Variants in EXOC6B observed in about 807,000 individuals in gnomAD.
EXOC6B encodes exocyst complex component 6B, also known as SEC15 homolog B.
A neutral mutation model predicts 113.5 loss-of-function variants in EXOC6B; 54 were observed. The ratio of observed to expected loss-of-function variants is 0.48; its 90% CI spans 0.38 to 0.60. The LOEUF (loss-of-function observed/expected upper bound fraction) is 0.60. Among genes scored for constraint, EXOC6B ranks in the 20% least tolerant of loss-of-function variants. EXOC6B has a pLI of 0.00. For synonymous variants in EXOC6B, 357 were observed against 339.0 expected (o/e 1.05, Z -0.58); for missense variants, 797 against 977.5 (o/e 0.82, Z 2.46).
intron 1 of EXOC6B, among the ~76,000 whole-genome samples, chr2:72,748,510 T>G (rs1385689115): frequency 6.6e-6 from 1 of 152,038 alleles, no homozygotes; most frequent in Non-Finnish European, 1.5e-5. Flanking sequence ...AGGAGATCAA[T>G]CAGATCATCA....
chr2:72,637,483 A>G (rs1328820256), intron 6 of EXOC6B, among the ~76,000 whole-genome samples: 1 of 152,068 alleles, frequency 6.6e-6, no homozygotes, highest in Non-Finnish European at 1.5e-5. Context: ...CATGAACAGA[A>G]CCTATCCAAA....
chr2:72,593,365 C>T (rs991070333), intron 6 of EXOC6B, among the ~76,000 whole-genome samples: 5 of 152,072 alleles, frequency 3.3e-5, no homozygotes, highest in Admixed American at 2.6e-4. Flanking sequence ...AGGGGACTTA[C>T]TTCTTGGGAT....
At chr2:72,357,667 G>A (rs573941332) in intron 19 of EXOC6B, among the ~76,000 whole-genome samples, 3 of 150,768 alleles carry the variant, frequency 2.0e-5, no homozygotes, top group African/African-American at 7.4e-5. Context: ...CTCCAGCCTG[G>A]GCAACAGAGC....
At chr2:72,674,024 C>T (rs553022699) in intron 6 of EXOC6B, among the ~76,000 whole-genome samples, 11 of 152,080 alleles carry the variant, frequency 7.2e-5, no homozygotes, top group South Asian at 4.2e-4. Context: ...ACCAATGAAA[C>T]GATTTGGGGG....
intron 20 of EXOC6B, among the ~76,000 whole-genome samples, chr2:72,204,551 AAG>A (rs111951945): frequency 0.017 from 1,804 of 104,440 alleles, 31 homozygotes; most frequent in African/African-American, 0.061. Context: ...AGACCAGAAG[AAG>A]AAAAAAAAAA....
chr2:72,322,433 A>T (rs575077612), intron 20 of EXOC6B, among the ~76,000 whole-genome samples: 1 of 152,300 alleles, frequency 6.6e-6, no homozygotes, highest in African/African-American at 2.4e-5. Context: ...AAGGGATGGG[A>T]CTAATTACAA....
At chr2:72,706,034 G>T (rs776048482) in intron 6 of EXOC6B, among the ~76,000 whole-genome samples, 2 of 152,138 alleles carry the variant, frequency 1.3e-5, no homozygotes, top group Non-Finnish European at 2.9e-5. Context: ...AAGAATAAAT[G>T]TATCAGTTAC....
chr2:72,283,781 T>C (rs1685263909), intron 20 of EXOC6B, among the ~76,000 whole-genome samples: 1 of 151,998 alleles, frequency 6.6e-6, no homozygotes, highest in Admixed American at 6.6e-5. Context: ...AAAGCCTAAC[T>C]GACCTGGGGG....
intron 6 of EXOC6B, among the ~76,000 whole-genome samples, chr2:72,702,152 A>G (rs890567816): frequency 1.4e-5 from 2 of 142,806 alleles, no homozygotes; most frequent in African/African-American, 5.2e-5. Flanking sequence ...GTTCCCACCT[A>G]TGAGTGAGAA....
intron 18 of EXOC6B, among the ~76,000 whole-genome samples, chr2:72,449,297 C>T (rs1696772407): frequency 6.6e-6 from 1 of 151,980 alleles, no homozygotes; most frequent in Non-Finnish European, 1.5e-5. Flanking sequence ...ATTGTCCTGC[C>T]TCAGCCTCCC....
At chr2:72,733,517 T>C (rs1176701347) in intron 2 of EXOC6B, among the ~76,000 whole-genome samples, 5 of 152,176 alleles carry the variant, frequency 3.3e-5, no homozygotes, top group Admixed American at 2.0e-4. Context: ...CTGAACTTGT[T>C]AACTCAAGTC....
intron 8 of EXOC6B, among the ~76,000 whole-genome samples, chr2:72,540,552 C>A (rs574573085): frequency 2.0e-5 from 3 of 152,294 alleles, no homozygotes; most frequent in South Asian, 2.1e-4. Context: ...TAATTGCTTA[C>A]ATAACCACAG....
intron 20 of EXOC6B, among the ~76,000 whole-genome samples, chr2:72,250,887 GCCC>G (rs1485480082): frequency 6.6e-6 from 1 of 151,808 alleles, no homozygotes; most frequent in Non-Finnish European, 1.5e-5. Flanking sequence ...TTTTGCTGTT[GCCC>G]AGGCTGGAGT....
In EXOC6B at chr2:72,492,725, A is replaced by G. The variant is rs568355763; in HGVS notation, c.1554-296T>C. Among the ~76,000 whole-genome samples the G allele has an allele frequency of 3.9e-4, 59 of 151,704 alleles. 1 individual carries two copies. Among genetic ancestry groups the G allele is most frequent in the African/African-American group, 1.3e-3 (55 of 41,428 alleles). ...TGTCACTCCATTTTCTCTGGCTTGC[A>G]TAGTTTCAGAAAAGAAGTCTATTAT... is the stretch of plus-strand genomic sequence containing the variant. On this transcript the variant is annotated intron_variant, in intron 15 of 21. Transcript: ENST00000272427.
chr2:72,244,659 T>C (rs1174650347), intron 20 of EXOC6B, among the ~76,000 whole-genome samples: 1 of 151,992 alleles, frequency 6.6e-6, no homozygotes, highest in Non-Finnish European at 1.5e-5. Context: ...AGCCAGGCTA[T>C]CTAAGAAGAA....
intron 3 of EXOC6B, 68 bp from the exon 4 acceptor site, chr2:72,731,313 T>C: frequency 8.3e-7 from 1 of 1,198,740 alleles, no homozygotes; most frequent in Non-Finnish European, 1.2e-6. Flanking sequence ...GTCACATTTT[T>C]CCACACTGTG....
At chr2:72,194,366 CAT>C (rs373291453) in intron 20 of EXOC6B, among the ~76,000 whole-genome samples, 2 of 152,156 alleles carry the variant, frequency 1.3e-5, no homozygotes, top group African/African-American at 4.8e-5. Flanking sequence ...GATTAACTAA[CAT>C]GTGTGAGAAG....
intron 6 of EXOC6B, among the ~76,000 whole-genome samples, chr2:72,609,610 T>C (rs1558841321): frequency 6.6e-6 from 1 of 151,316 alleles, no homozygotes; most frequent in Non-Finnish European, 1.5e-5. Context: ...CAGGAGCCCC[T>C]TCATTAATAT....
At position 72,725,339 on chromosome 2, in the gene EXOC6B, AACAATGAGATACTATTTCAC is replaced by A. The variant is rs1182130057; in HGVS notation, c.464+5648_464+5667del. Among the ~76,000 whole-genome samples, 7 of 152,218 alleles carry A rather than the reference AACAATGAGATACTATTTCAC, an allele frequency of 4.6e-5. No individual in the cohort carries two copies. In the East Asian group the frequency reaches 1.3e-3, roughly 29 times the overall value. On this transcript the variant is annotated intron_variant, in intron 5 of 21. Coordinates refer to ENST00000272427, the MANE Select transcript of EXOC6B (RefSeq NM_015189.3). ...CAAGGATTTTTTTTAAATGAAGGTA[AACAATGAGATACTATTTCAC>A]ACCCACCAGGATGGCTACATTAAAG... is the stretch of plus-strand genomic sequence containing the variant.
Sources: allele counts gnomAD v4.1 joint callset (sites outside exome capture counted in the v4.1 genomes callset), GRCh38; gene constraint gnomAD v4.1.1; transcripts MANE v1.5; gene names NCBI Gene and HGNC (gene_info 2026-07-23, HGNC 2026-07-21).